Variants in TTLL9 observed in about 807,000 individuals in gnomAD.
TTLL9 encodes tubulin tyrosine ligase like 9, also known as probable tubulin polyglutamylase TTLL9.
A neutral mutation model predicts 65.6 loss-of-function variants in TTLL9; 47 were observed. The ratio of observed to expected loss-of-function variants is 0.72; its 90% confidence interval spans 0.57 to 0.91. TTLL9 has a LOEUF of 0.91. Among genes scored for constraint, TTLL9 ranks in the 40% least tolerant of loss-of-function variants. The pLI, the probability that TTLL9 is intolerant of heterozygous loss-of-function variation, is 0.00. For missense variants in TTLL9, 537 were observed against 568.8 expected (o/e 0.94, Z 0.57); for synonymous variants, 179 against 204.8 (o/e 0.87, Z 1.07).
At chr20:31,936,888 G>T (rs1252400502) in intron 12 of TTLL9, among the ~76,000 whole-genome samples, 1 of 152,122 alleles carries the variant, frequency 6.6e-6, no homozygotes, top group African/African-American at 2.4e-5. Flanking sequence ...CTGAGGTCAG[G>T]AGTTTGAGAC....
intron 4 of TTLL9, among the ~76,000 whole-genome samples, chr20:31,907,479 T>G (rs759085962): frequency 1.2e-4 from 18 of 152,138 alleles, no homozygotes; most frequent in Admixed American, 2.6e-4. Context: ...CCCAGCACTT[T>G]GGGAGGCCGA....
At chr20:31,927,202 C>T (rs1441188308) in intron 10 of TTLL9, among the ~76,000 whole-genome samples, 1 of 150,792 alleles carries the variant, frequency 6.6e-6, no homozygotes, top group African/African-American at 2.4e-5. Flanking sequence ...AGACAAGAAG[C>T]TGGGTGCAGC....
At chr20:31,939,680 G>C (rs1413371213) in intron 14 of TTLL9, 2 of 155,800 alleles carry the variant, frequency 1.3e-5, no homozygotes, top group East Asian at 3.8e-4. Context: ...AGCATATTAA[G>C]AGCCTCCCTC....
chr20:31,887,222 G>A lies in TTLL9; in HGVS notation c.96G>A (p.Leu32=), dbSNP rs373049367. 25 of 1,614,082 alleles carry A rather than the reference G, an allele frequency of 1.5e-5. No homozygotes were observed. Among genetic ancestry groups the A allele is most frequent in the Non-Finnish European group, 2.1e-5 (25 of 1,180,056 alleles). ...LQNQNYKGHG[L]SKGKEREQRA... ...ACCAAAATTACAAGGGCCATGGATT[G>A]TCAAAGGGAAAAGAGCGGTGAGTGG... The change falls in exon 3 of 15, where the codon TTG becomes TTA. Residue 32 remains leucine (L), a synonymous_variant. Transcript: ENST00000535842.
chr20:31,902,737 T>TCCTTAAAAA (rs2063496459), intron 4 of TTLL9, among the ~76,000 whole-genome samples: 1 of 152,214 alleles, frequency 6.6e-6, no homozygotes, highest in African/African-American at 2.4e-5. Context: ...GATAACTCTA[T>TCCTTAAAAA]GTTTAACTTT....
At chr20:31,920,528 G>A (rs12480837) in intron 7 of TTLL9, 11,126 of 152,856 alleles carry the variant, frequency 0.073, 418 homozygotes, top group Middle Eastern at 0.2. Flanking sequence ...GAGCGGTGAC[G>A]ATGGTGCAGG....
intron 4 of TTLL9, among the ~76,000 whole-genome samples, chr20:31,908,270 G>C (rs577186064): frequency 8.3e-4 from 126 of 152,334 alleles, no homozygotes; most frequent in African/African-American, 2.9e-3. Context: ...CATGGGGACT[G>C]TGGTTTGAGG....
intron 12 of TTLL9, 51 bp downstream of exon 12, chr20:31,934,939 C>T (rs763767989): frequency 2.0e-6 from 3 of 1,528,552 alleles, no homozygotes; most frequent in Admixed American, 1.8e-5. Context: ...ATACTCGGCA[C>T]CCAGACTGCC....
intron 4 of TTLL9, among the ~76,000 whole-genome samples, chr20:31,906,949 C>T (rs2063567561): frequency 1.3e-5 from 2 of 152,180 alleles, no homozygotes; most frequent in Admixed American, 1.3e-4. Flanking sequence ...CACACCCAGC[C>T]CCAAACACCT....
chr20:31,920,175 T>G (rs981396067), intron 7 of TTLL9, among the ~76,000 whole-genome samples: 1 of 151,968 alleles, frequency 6.6e-6, no homozygotes, highest in Non-Finnish European at 1.5e-5. Context: ...CCCCAGTAAA[T>G]GGGGATGGTA....
intron 7 of TTLL9, 50 bp from the exon 8 acceptor site, chr20:31,922,913 A>C (rs550178537): frequency 1.3e-6 from 2 of 1,492,102 alleles, no homozygotes; most frequent in African/African-American, 2.8e-5. Flanking sequence ...CCTAGTACAC[A>C]GGAAATGTTC....
At chr20:31,941,109 CG>C (rs1296326712) in intron 14 of TTLL9, 1 of 151,256 alleles carries the variant, frequency 6.6e-6, no homozygotes, top group Non-Finnish European at 1.5e-5. Flanking sequence ...GTCAGCTACT[CG>C]GGAGGCTGAG....
intron 6 of TTLL9, among the ~76,000 whole-genome samples, chr20:31,915,769 C>A (rs1461624354): frequency 6.6e-6 from 1 of 151,958 alleles, no homozygotes; most frequent in Non-Finnish European, 1.5e-5. Context: ...TTTTTTCAAG[C>A]TTTAATGAGG....
intron 2 of TTLL9, among the ~76,000 whole-genome samples, chr20:31,877,982 C>G (rs2123372796): frequency 6.6e-6 from 1 of 152,220 alleles, no homozygotes; most frequent in South Asian, 2.1e-4. Context: ...AGGGAAAATG[C>G]TTTGTCAGTT....
chr20:31,875,689 T>C (rs971567121), intron 2 of TTLL9, among the ~76,000 whole-genome samples: 9 of 152,226 alleles, frequency 5.9e-5, no homozygotes, highest in African/African-American at 1.7e-4. Flanking sequence ...TATCATATTA[T>C]TGTTATGGCC....
chr20:31,884,268 C>G (rs899443952), intron 2 of TTLL9, among the ~76,000 whole-genome samples: 1 of 152,116 alleles, frequency 6.6e-6, no homozygotes, highest in Non-Finnish European at 1.5e-5. Context: ...CTCTGTCACC[C>G]AGGCTGGAGT....
intron 4 of TTLL9, among the ~76,000 whole-genome samples, chr20:31,907,520 G>A (rs1456440509): frequency 2.0e-5 from 3 of 152,098 alleles, no homozygotes; most frequent in African/African-American, 7.2e-5. Flanking sequence ...TCAGGAGTTC[G>A]AGGCCAGCCT....
At chr20:31,939,901 A>G (rs2064176704) in intron 14 of TTLL9, 1 of 152,102 alleles carries the variant, frequency 6.6e-6, no homozygotes, top group South Asian at 2.1e-4. Context: ...TGTCCGCTAG[A>G]CTCTCCTGCC....
At chr20:31,873,700 A>G (rs866168928) in intron 2 of TTLL9, among the ~76,000 whole-genome samples, 19 of 129,582 alleles carry the variant, frequency 1.5e-4, no homozygotes, top group African/African-American at 6.2e-4. Context: ...GAAAGAAAGA[A>G]AGAAAGAAAG....
Sources: allele counts gnomAD v4.1 joint callset (sites outside exome capture counted in the v4.1 genomes callset), GRCh38; gene constraint gnomAD v4.1.1; transcripts MANE v1.5; gene names NCBI Gene and HGNC (gene_info 2026-07-23, HGNC 2026-07-21).